UBE2V2: variants seen among roughly 807,000 people sequenced by gnomAD.
UBE2V2 encodes the protein ubiquitin-conjugating enzyme E2 variant 2.
A neutral mutation model predicts 17.2 loss-of-function variants in UBE2V2; 9 were observed. The observed-to-expected ratio is 0.52, with a 90% CI of 0.32 to 0.91. The LOEUF (loss-of-function observed/expected upper bound fraction) is 0.91, where lower values mean the gene tolerates loss of function less well. UBE2V2 is among the 40% of genes least tolerant of loss of function. The pLI, the probability that UBE2V2 is intolerant of heterozygous loss-of-function variation, is 0.04. For synonymous variants in UBE2V2, 61 were observed against 57.5 expected (o/e 1.06, Z -0.28); for missense variants, 133 against 182.6 (o/e 0.73, Z 1.56).
intron 3 of UBE2V2, among the ~76,000 whole-genome samples, chr8:48,053,700 A>T (rs1227543908): frequency 6.6e-6 from 1 of 151,596 alleles, no homozygotes; most frequent in Non-Finnish European, 1.5e-5. Flanking sequence ...TGCTGAGATT[A>T]CAGGCGTGAG....
intron 1 of UBE2V2, among the ~76,000 whole-genome samples, chr8:48,023,865 G>A (rs1218007422): frequency 6.6e-6 from 1 of 151,784 alleles, no homozygotes; most frequent in African/African-American, 2.4e-5. Flanking sequence ...GGCAGAATGA[G>A]ACCCTGTCTC....
rs1264163168 is a variant in UBE2V2, at chr8:48,049,924, A to G, written c.237A>G (p.Ser79=). The G allele has an allele frequency of 1.9e-6, 3 of 1,585,804 alleles. No individual in the cohort carries two copies. Among genetic ancestry groups the G allele is most frequent in the Admixed American group, 3.8e-5 (2 of 52,198 alleles). ...CGPKYPEAPP[S]VRFVTKINMN... ...CTAAATACCCAGAAGCTCCTCCGTCAGTTAGATTTGTAACAAAAATTAATA... is the reference window on the plus strand; with the variant it reads ...CTAAATACCCAGAAGCTCCTCCGTCGGTTAGATTTGTAACAAAAATTAATA... The change falls in exon 3 of 4, where the codon TCA becomes TCG. Residue 79 remains serine (S), a synonymous_variant. Coordinates refer to ENST00000523111, the MANE Select transcript of UBE2V2 (RefSeq NM_003350.3).
the UBE2V2 span, among the ~76,000 whole-genome samples, chr8:47,999,523 AT>A: frequency 2.0e-5 from 3 of 148,944 alleles, no homozygotes; most frequent in Admixed American, 6.7e-5. Flanking sequence ...TGCCCAGCTA[AT>A]TTTTTTTTTG....
Position 48,038,949 on chromosome 8 carries a change from G to C in UBE2V2, c.17-4084G>C, listed in dbSNP as rs541072347. The stretch of plus-strand genomic sequence containing the variant: ...CCTGATTTTTTTTTTTTTTTTTTGA[G>C]ACAGAGTCTTGCTCTGTCACCCAGG... On this transcript the variant is annotated intron_variant, in intron 1 of 3. Transcript: ENST00000523111. 9.4e-3 allele frequency among the ~76,000 whole-genome samples: 1,339 copies of C among 142,562 alleles called. 10 individuals carry two copies. Among genetic ancestry groups the C allele is most frequent in the Middle Eastern group, 0.037 (9 of 242 alleles). 93.5% of individuals were successfully genotyped at this position (142,562 alleles called of 152,430 possible). A position where few individuals can be genotyped will look rare whatever the true frequency, so the allele number is the denominator to read the frequency against.
chr8:48,032,769 TGCTTTG>T (rs1158207247), intron 1 of UBE2V2, among the ~76,000 whole-genome samples: 2 of 152,092 alleles, frequency 1.3e-5, no homozygotes, highest in African/African-American at 4.8e-5. Context: ...CCCCAGCATA[TGCTTTG>T]ATGTCAATAA....
chr8:48,037,391 G>T (rs2091431808), intron 1 of UBE2V2, among the ~76,000 whole-genome samples: 1 of 152,254 alleles, frequency 6.6e-6, no homozygotes, highest in South Asian at 2.1e-4. Flanking sequence ...AGGGCAGTGG[G>T]TTGCCTTCCT....
rs1423639513 is a variant in UBE2V2, at chr8:48,063,891, A to G, written c.*3063A>G. 1 of 152,228 alleles carries G rather than the reference A, an allele frequency of 6.6e-6. No homozygotes were observed. Among genetic ancestry groups the G allele is most frequent in the East Asian group, 1.9e-4 (1 of 5,200 alleles). 9.4% of individuals were successfully genotyped at this position (152,228 alleles called of 1,614,324 possible). A position where few individuals can be genotyped will look rare whatever the true frequency, so the allele number is the denominator to read the frequency against. ...TGATTTTAATGTTAATTCCCACTAA[A>G]TATATAATATTGATAAATACATGTG... On this transcript the variant is annotated 3_prime_UTR_variant, in exon 4 of 4. Transcript: ENST00000523111.
At chr8:48,003,351 A>G in the UBE2V2 span, among the ~76,000 whole-genome samples, 1 of 152,200 alleles carries the variant, frequency 6.6e-6, no homozygotes, top group Non-Finnish European at 1.5e-5. Flanking sequence ...CACCGTAAAC[A>G]GGGAAAACAT....
chr8:48,008,360 G>A (rs2091199973), upstream of UBE2V2: 7 of 1,443,944 alleles, frequency 4.8e-6, no homozygotes, highest in Admixed American at 3.0e-5. Context: ...CGGGGGCGGA[G>A]TCCGCTGTGA....
At chr8:48,008,939 A>T (rs184689302) in intron 1 of UBE2V2, among the ~76,000 whole-genome samples, 1 of 152,306 alleles carries the variant, frequency 6.6e-6, no homozygotes, top group Non-Finnish European at 1.5e-5. Flanking sequence ...TGGGGAGTAG[A>T]GGACGATTGC....
intron 1 of UBE2V2, among the ~76,000 whole-genome samples, chr8:48,035,430 C>G (rs545313667): frequency 6.6e-6 from 1 of 151,896 alleles, no homozygotes; most frequent in East Asian, 1.9e-4. Flanking sequence ...CACTGCTCCC[C>G]TCTTCTACTG....
In UBE2V2 at chr8:48,061,946, A is replaced by G. The variant is rs1802601888; in HGVS notation, c.*1118A>G. 6.6e-6 allele frequency: 1 copy of G among 152,180 alleles called. No individual in the cohort carries two copies. The highest frequency in any genetic ancestry group is 2.4e-5 in the African/African-American group (1 of 41,442). 9.4% of individuals were successfully genotyped at this position (152,180 alleles called of 1,614,324 possible). A position where few individuals can be genotyped will look rare whatever the true frequency, so the allele number is the denominator to read the frequency against. ...AGCTTTTGGTTAATAAATAGGGTCA[A>G]CTAATTGGAGACTTTTCTCTTCCAA... On this transcript the variant is annotated 3_prime_UTR_variant, in exon 4 of 4. Transcript: ENST00000523111.
chr8:48,052,588 T>C (rs1353286139), intron 3 of UBE2V2, among the ~76,000 whole-genome samples: 4 of 152,218 alleles, frequency 2.6e-5, no homozygotes, highest in Admixed American at 2.0e-4. Context: ...CAAGTGAATA[T>C]TGGCCATCAT....
intron 3 of UBE2V2, among the ~76,000 whole-genome samples, chr8:48,059,470 G>A (rs567488093): frequency 6.6e-6 from 1 of 151,660 alleles, no homozygotes; most frequent in Non-Finnish European, 1.5e-5. Context: ...GTGCAATGGC[G>A]TGGTCTCGGC....
chr8:48,003,682 TTAG>T (rs1469913696), upstream of UBE2V2, among the ~76,000 whole-genome samples: 1 of 152,168 alleles, frequency 6.6e-6, no homozygotes, highest in African/African-American at 2.4e-5. Context: ...AGAGAACATA[TTAG>T]TTTTTTTGCT....
At chr8:48,008,410 G>A (rs1440429982), upstream of UBE2V2, 2 of 1,556,010 alleles carry the variant, frequency 1.3e-6, no homozygotes, top group South Asian at 1.2e-5. Flanking sequence ...GACGCGCGAC[G>A]GTTCGTGCGT....
At chr8:48,003,177 T>C in the UBE2V2 span, among the ~76,000 whole-genome samples, 1 of 140,086 alleles carries the variant, frequency 7.1e-6, no homozygotes, top group Non-Finnish European at 1.5e-5. Flanking sequence ...GCCACTGCAC[T>C]ACAGCCTGGG....
intron 1 of UBE2V2, chr8:48,042,784 TA>T: frequency 3.4e-6 from 1 of 298,312 alleles, no homozygotes; most frequent in Non-Finnish European, 6.1e-6. Context: ...TACATCAGTA[TA>T]AAATTGATGA....
chr8:48,018,458 T>C (rs1394011530), intron 1 of UBE2V2, among the ~76,000 whole-genome samples: 1 of 152,228 alleles, frequency 6.6e-6, no homozygotes, highest in Non-Finnish European at 1.5e-5. Flanking sequence ...TTTTTGTGAA[T>C]TTTCTGAAGA....
Sources: gnomAD v4.1 joint callset for allele counts (sites outside exome capture counted in the v4.1 genomes callset) on GRCh38, gnomAD v4.1.1 for gene constraint, MANE v1.5 for transcripts, NCBI Gene and HGNC (gene_info 2026-07-23, HGNC 2026-07-21) for gene names.